TTI1: variants seen among roughly 807,000 people sequenced by gnomAD.
TTI1 encodes the protein TELO2 interacting protein 1.
A neutral mutation model predicts 85.4 loss-of-function variants in TTI1; 52 were observed. That is an observed-to-expected ratio of 0.61 (90% CI 0.49 to 0.77). The LOEUF is 0.77. Ranked by LOEUF, TTI1 falls within the 30% of genes least tolerant of loss-of-function variation. The probability of loss-of-function intolerance (pLI) is 0.00; values close to 1 mark genes in which losing one functional copy is unlikely to be tolerated. For synonymous variants in TTI1, 512 were observed against 503.9 expected (o/e 1.02, Z -0.22); for missense variants, 1,173 against 1,296.0 (o/e 0.91, Z 1.46).
intron 5 of TTI1, among the ~76,000 whole-genome samples, chr20:37,998,927 C>T (rs1318546207): frequency 6.6e-6 from 1 of 152,230 alleles, no homozygotes; most frequent in Admixed American, 6.5e-5. Flanking sequence ...ACCTACCTTG[C>T]AAAGTGGTTG....
In TTI1 at chr20:38,012,328, A is replaced by G; in HGVS notation, c.1489T>C (p.Tyr497His). The change falls in exon 2 of 8, where the codon TAT becomes CAT. Residue 497 changes from tyrosine to histidine, a missense_variant. Physicochemically the swap from Tyr to His is moderately conservative, Grantham distance 83. Coordinates refer to ENST00000373447, the MANE Select transcript of TTI1 (RefSeq NM_001303457.2). ...ACAAGCAAATAAAGATTCCCATAAT[A>G]ACCAAGTAGCTGACAAACCTGCCTC... is the stretch of plus-strand genomic sequence containing the variant. ...LLRQVCQLLGYYGNLYLLVDH... is the reference protein window; with the variant it reads ...LLRQVCQLLGHYGNLYLLVDH... The G allele has an allele frequency of 6.2e-7, 1 of 1,614,206 alleles. No homozygotes were observed. The highest frequency in any genetic ancestry group is 8.5e-7 in the Non-Finnish European group (1 of 1,180,038).
At chr20:38,022,833 A>C (rs1342383150) in intron 1 of TTI1, among the ~76,000 whole-genome samples, 18 of 152,302 alleles carry the variant, frequency 1.2e-4, no homozygotes. Flanking sequence ...TCAATAATCC[A>C]TCTGGTTGCA....
chr20:38,028,629 AACC>A (rs2073865562), intron 1 of TTI1, among the ~76,000 whole-genome samples: 1 of 152,178 alleles, frequency 6.6e-6, no homozygotes, highest in Non-Finnish European at 1.5e-5. Flanking sequence ...GATATAGAAA[AACC>A]ACCACCATCA....
intron 3 of TTI1, among the ~76,000 whole-genome samples, chr20:38,003,094 A>C (rs1383336604): frequency 6.6e-6 from 1 of 152,094 alleles, no homozygotes; most frequent in Non-Finnish European, 1.5e-5. Flanking sequence ...CTGAGTGGCT[A>C]GGACTACAGG....
At chr20:37,993,191 C>G (rs1437122859) in intron 7 of TTI1, among the ~76,000 whole-genome samples, 5 of 144,698 alleles carry the variant, frequency 3.5e-5, no homozygotes, top group African/African-American at 1.3e-4. Context: ...CCTGCCCCCA[C>G]CATCCCCTGC....
chr20:37,992,623 T>C lies in TTI1; in HGVS notation c.3086+3752A>G, dbSNP rs1268490114. 3.9e-5 allele frequency among the ~76,000 whole-genome samples: 6 copies of C among 152,292 alleles called. No homozygotes were observed. In the South Asian group the frequency reaches 6.2e-4, roughly 16 times the overall value. ...TTGAAAAGTATTGTCTAGTTTTGTTTCCTTTTAGCCCAGGGTAAAAGGCTC... is the reference window on the plus strand; with the variant it reads ...TTGAAAAGTATTGTCTAGTTTTGTTCCCTTTTAGCCCAGGGTAAAAGGCTC... On this transcript the variant is annotated intron_variant, in intron 7 of 7. Transcript: ENST00000373447.
chr20:37,999,633 G>C (rs2073392696), intron 4 of TTI1, among the ~76,000 whole-genome samples: 1 of 152,194 alleles, frequency 6.6e-6, no homozygotes, highest in Non-Finnish European at 1.5e-5. Flanking sequence ...AAGAAACGAG[G>C]GGAAGGATCT....
chr20:37,987,545 T>C (rs2073208096), intron 7 of TTI1: 1 of 361,814 alleles, frequency 2.8e-6, no homozygotes, highest in African/African-American at 2.1e-5. Context: ...GAGAGCACAG[T>C]TATCAAGAGA....
intron 1 of TTI1, among the ~76,000 whole-genome samples, chr20:38,015,064 G>A (rs2073661464): frequency 6.6e-6 from 1 of 152,154 alleles, no homozygotes; most frequent in African/African-American, 2.4e-5. Flanking sequence ...TTGAAGAGAT[G>A]ATAAGAAAGT....
intron 7 of TTI1, chr20:37,987,013 C>T (rs762872140): frequency 7.0e-5 from 26 of 369,582 alleles, no homozygotes; most frequent in Non-Finnish European, 1.2e-4. Flanking sequence ...GAGCAAATGC[C>T]ATGCCATGCA....
chr20:38,010,637 ATTTTT>A lies in TTI1; in HGVS notation c.2302+873_2302+877del, dbSNP rs11476947. ...AGGCGCCCGCCACCACGTCTGGCTA[ATTTTT>A]TTTTTTTTATTTTTTAGTAGAGACG... On this transcript the variant is annotated intron_variant, in intron 2 of 7. Coordinates refer to ENST00000373447, the MANE Select transcript of TTI1 (RefSeq NM_001303457.2). Among the ~76,000 whole-genome samples, 3 of 147,612 alleles carry A rather than the reference ATTTTT, an allele frequency of 2.0e-5. No homozygotes were observed. In the East Asian group the frequency reaches 6.0e-4, roughly 29 times the overall value.
At chr20:37,998,379 C>G (rs887867862) in intron 5 of TTI1, among the ~76,000 whole-genome samples, 4 of 152,084 alleles carry the variant, frequency 2.6e-5, no homozygotes, top group Admixed American at 6.5e-5. Context: ...CTACTTTGGC[C>G]AACGGTATCT....
chr20:38,002,827 G>C, intron 3 of TTI1, 51 bp from the exon 4 acceptor site: 1 of 1,596,792 alleles, frequency 6.3e-7, no homozygotes, highest in South Asian at 1.1e-5. Context: ...ATAAAACAGA[G>C]ATACCTAAAT....
rs1214635431 is a variant in TTI1 at position 38,011,519 on chromosome 20, T to C, written c.2298A>G (p.Ala766=). 3 of 1,613,868 alleles carry C rather than the reference T, an allele frequency of 1.9e-6. No individual in the cohort carries two copies. In the East Asian group the frequency reaches 6.7e-5, roughly 36 times the overall value. The change falls in exon 2 of 8, where the codon GCA becomes GCG. Residue 766 remains alanine (A), a synonymous_variant. Transcript: ENST00000373447. ...FVSVLHALMA[A]LAQWFPDTGN... is the part of the protein sequence containing the mutation. Reference sequence around the variant, plus strand: ...TAAAAAGGGCTCTCAATGTACCTAATGCTGCCATCAGAGCATGCAGAACGC... The same window carrying C: ...TAAAAAGGGCTCTCAATGTACCTAACGCTGCCATCAGAGCATGCAGAACGC...
At position 37,983,513 on chromosome 20, in the gene TTI1, G is replaced by A. The variant is rs1489990067; in HGVS notation, c.3213C>T (p.Ser1071=). 9 of 1,611,312 alleles carry A rather than the reference G, an allele frequency of 5.6e-6. No individual in the cohort carries two copies. The highest frequency in any genetic ancestry group is 2.7e-5 in the African/African-American group (2 of 74,838). The change falls in exon 8 of 8, where the codon AGC becomes AGT. Residue 1071 remains serine (S), a synonymous_variant. Transcript: ENST00000373447. ...SLHPVQLHGA[S]GQQNPYTTNV... Reference sequence around the variant, plus strand: ...TGGTCGTGTAGGGGTTCTGCTGCCCGCTGGCCCCGTGCAGCTGCACAGGGT... The same window carrying A: ...TGGTCGTGTAGGGGTTCTGCTGCCCACTGGCCCCGTGCAGCTGCACAGGGT...
rs1168783171 is a variant in TTI1, at chr20:38,006,275, T to C, written c.2425A>G (p.Ile809Val). 3 of 1,614,250 alleles carry C rather than the reference T, an allele frequency of 1.9e-6. No individual in the cohort carries two copies. Among genetic ancestry groups the C allele is most frequent in the East Asian group, 2.2e-5 (1 of 44,890 alleles). Residue 809 changes from isoleucine to valine, a missense_variant, in exon 3 of 8, where the codon ATC becomes GTC. Coordinates refer to ENST00000373447, the MANE Select transcript of TTI1 (RefSeq NM_001303457.2). ...AGGTAGTTCAGCAAAAACTGTTCGA[T>C]GTCTTCAGCTGTGGTGGTGCTCTTC... Reference protein sequence around the residue: ...LEKSTTTAEDIEQFLLNYLKE... With the variant: ...LEKSTTTAEDVEQFLLNYLKE...
chr20:38,002,839 T>C, intron 3 of TTI1, 63 bp from the exon 4 acceptor site: 1 of 1,593,494 alleles, frequency 6.3e-7, no homozygotes, highest in Admixed American at 1.7e-5. Context: ...TACCTAAATT[T>C]CTGTTCTTTA....
chr20:38,005,443 C>T (rs1600627526), intron 3 of TTI1, among the ~76,000 whole-genome samples: 1 of 152,058 alleles, frequency 6.6e-6, no homozygotes, highest in East Asian at 1.9e-4. Context: ...ACTGCAATCT[C>T]CTCCCACCAA....
chr20:38,004,131 TA>T (rs1420381357), intron 3 of TTI1, among the ~76,000 whole-genome samples: 1 of 152,188 alleles, frequency 6.6e-6, no homozygotes, highest in Non-Finnish European at 1.5e-5. Flanking sequence ...CTGAGAGCAT[TA>T]AATGAGATAT....
Sources: gnomAD v4.1 joint callset for allele counts (sites outside exome capture counted in the v4.1 genomes callset) on GRCh38, gnomAD v4.1.1 for gene constraint, MANE v1.5 for transcripts, NCBI Gene and HGNC (gene_info 2026-07-23, HGNC 2026-07-21) for gene names.